The following NEMF variants were observed in gnomAD, a reference collection of about 807,000 sequenced individuals.
NEMF encodes ribosome quality control complex subunit NEMF.
NEMF carries 89 observed loss-of-function variants against 162.2 expected under a neutral mutation model. The ratio of observed to expected loss-of-function variants is 0.55; its 90% CI spans 0.46 to 0.65. NEMF has a LOEUF of 0.65. Among genes scored for constraint, NEMF ranks in the 30% least tolerant of loss-of-function variants. The pLI, the probability that NEMF is intolerant of heterozygous loss-of-function variation, is 0.00. For missense variants in NEMF, 1,133 were observed against 1,261.9 expected, an observed-to-expected ratio of 0.90 and a Z score of 1.55; for synonymous variants, 421 against 404.5, an observed-to-expected ratio of 1.04 and a Z score of -0.49.
In NEMF at chr14:49,783,099, T is replaced by G; in HGVS notation, c.*1537A>C. 1.5e-6 allele frequency: 1 copy of G among 651,042 alleles called. No individual in the cohort carries two copies. The highest frequency in any genetic ancestry group is 3.0e-5 in the East Asian group (1 of 32,978). 40.3% of individuals were successfully genotyped at this position (651,042 alleles called of 1,614,324 possible). A position where few individuals can be genotyped will look rare whatever the true frequency, so the allele number is the denominator to read the frequency against. The stretch of plus-strand genomic sequence containing the variant: ...GCATGTGAATGGCCTAGAGAACCTA[T>G]TTTTGTGTCTAAAGTTTACAATAAA... On this transcript the variant is annotated 3_prime_UTR_variant, in exon 33 of 33. Transcript: ENST00000298310.
At chr14:49,844,026 G>C (rs1893344623) in intron 4 of NEMF, among the ~76,000 whole-genome samples, 1 of 151,766 alleles carries the variant, frequency 6.6e-6, no homozygotes, top group South Asian at 2.1e-4. Context: ...TTGAACCCGG[G>C]AGGCAGAGGT....
intron 5 of NEMF, 39 bp from the exon 6 acceptor site, chr14:49,838,245 A>G: frequency 6.4e-7 from 1 of 1,562,136 alleles, no homozygotes; most frequent in Non-Finnish European, 8.8e-7. Flanking sequence ...CATATCTTAA[A>G]TAAACCTTAC....
chr14:49,817,298 C>G (rs1308386024), intron 16 of NEMF, among the ~76,000 whole-genome samples: 1 of 152,040 alleles, frequency 6.6e-6, no homozygotes, highest in Non-Finnish European at 1.5e-5. Context: ...GAAAAATTAG[C>G]CAGGCATGGT....
intron 16 of NEMF, 55 bp from the exon 17 acceptor site, chr14:49,814,912 A>G: frequency 1.0e-6 from 1 of 995,734 alleles, no homozygotes; most frequent in Non-Finnish European, 1.5e-6. Flanking sequence ...CTGAATTCAT[A>G]CCCTTTTTGC....
At chr14:49,818,791 C>T (rs1891848285) in intron 16 of NEMF, among the ~76,000 whole-genome samples, 1 of 151,804 alleles carries the variant, frequency 6.6e-6, no homozygotes, top group African/African-American at 2.4e-5. Context: ...CCAAATGCTG[C>T]AGCAGCCAGG....
chr14:49,846,280 A>G lies in NEMF; in HGVS notation c.232-15T>C. ...TGTTTTCGGCACTAGCAAGAGAAAGAAAAAGGCATTCATTTAGTAAAAGTG... is the reference window on the plus strand; with the variant it reads ...TGTTTTCGGCACTAGCAAGAGAAAGGAAAAGGCATTCATTTAGTAAAAGTG... On this transcript the variant is annotated splice_polypyrimidine_tract_variant and intron_variant, in intron 3 of 32. Coordinates refer to ENST00000298310, the MANE Select transcript of NEMF (RefSeq NM_004713.6). 2.5e-6 allele frequency: 4 copies of G among 1,606,112 alleles called. No individual in the cohort carries two copies. Among genetic ancestry groups the G allele is most frequent in the Non-Finnish European group, 3.4e-6 (4 of 1,177,962 alleles).
At position 49,789,277 on chromosome 14, in the gene NEMF, C is replaced by T; in HGVS notation, c.2764G>A (p.Val922Met). ...CTAGGTTTCTGGGGCTGTTTCTTCA[C>T]AGGTTCGTCCTTTGTTTTTCCTTTC... ...GKKGKTKDEPVKKQPQKPRGG... is the reference protein window; with the variant it reads ...GKKGKTKDEPMKKQPQKPRGG... The change falls in exon 28 of 33, where the codon GTG becomes ATG. Residue 922 changes from valine (V) to methionine (M), a missense_variant. By Grantham distance (21) the Val-to-Met change is conservative. Coordinates refer to ENST00000298310, the MANE Select transcript of NEMF (RefSeq NM_004713.6). 6.2e-7 allele frequency: 1 copy of T among 1,614,190 alleles called. No individual in the cohort carries two copies. The highest frequency in any genetic ancestry group is 8.5e-7 in the Non-Finnish European group (1 of 1,180,032).
chr14:49,826,057 G>T, intron 15 of NEMF, 102 bp from the exon 16 acceptor site: 2 of 619,974 alleles, frequency 3.2e-6, no homozygotes, highest in South Asian at 2.2e-5. Context: ...TCACAAAATG[G>T]CACAATCTAC....
At chr14:49,818,555 T>C (rs1891836485) in intron 16 of NEMF, 1 of 152,172 alleles carries the variant, frequency 6.6e-6, no homozygotes, top group Non-Finnish European at 1.5e-5. Flanking sequence ...TGAGAGTCTG[T>C]TCAAGAAGCA....
chr14:49,833,015 C>T (rs1892720016), intron 8 of NEMF, among the ~76,000 whole-genome samples: 1 of 152,136 alleles, frequency 6.6e-6, no homozygotes, highest in Admixed American at 6.5e-5. Flanking sequence ...TCTATAATCC[C>T]AGCACTTTGG....
chr14:49,820,943 C>T (rs1049764743), intron 16 of NEMF, among the ~76,000 whole-genome samples: 2 of 150,956 alleles, frequency 1.3e-5, no homozygotes, highest in Admixed American at 6.6e-5. Context: ...AAGTGAGGAG[C>T]GCCTCTTCCC....
chr14:49,846,046 G>A, intron 4 of NEMF, 94 bp downstream of exon 4: 1 of 1,080,406 alleles, frequency 9.3e-7, no homozygotes, highest in Non-Finnish European at 1.3e-6. Flanking sequence ...CTTTGACACA[G>A]AAAAAAAATG....
At chr14:49,800,119 G>C (rs1425441249) in intron 23 of NEMF, among the ~76,000 whole-genome samples, 1 of 152,074 alleles carries the variant, frequency 6.6e-6, no homozygotes, top group African/African-American at 2.4e-5. Context: ...CTGATGATCT[G>C]CAAAACATTA....
intron 6 of NEMF, among the ~76,000 whole-genome samples, chr14:49,835,218 CA>C (rs55826615): frequency 0.024 from 3,171 of 132,870 alleles, 128 homozygotes; most frequent in African/African-American, 0.083. Context: ...ACCCCGCAAC[CA>C]AAAAAAAAAA....
At chr14:49,818,988 AACAG>A (rs1044369695) in intron 16 of NEMF, among the ~76,000 whole-genome samples, 9 of 152,208 alleles carry the variant, frequency 5.9e-5, no homozygotes, top group African/African-American at 2.2e-4. Context: ...TAAAACGTTG[AACAG>A]ACAATCAAGG....
intron 18 of NEMF, among the ~76,000 whole-genome samples, chr14:49,811,845 T>C (rs900671924): frequency 6.6e-6 from 1 of 152,216 alleles, no homozygotes; most frequent in African/African-American, 2.4e-5. Context: ...TTTGCTAATA[T>C]TTTGTCAAAG....
At position 49,785,260 on chromosome 14, in the gene NEMF, T is replaced by C. The variant is rs777307504; in HGVS notation, c.2989A>G (p.Ile997Val). The C allele has an allele frequency of 1.6e-5, 26 of 1,614,034 alleles. No individual in the cohort carries two copies. The East Asian group carries it at 5.6e-4, about 35-fold the overall frequency. ...GTGGTGTAAGGGGCACATATTGGAA[T>C]GGCAAACAGTAGTACATCTTCAGGA... ...PHPEDVLLFA[I>V]PICAPYTTMT... Residue 997 changes from isoleucine (I) to valine (V), a missense_variant, in exon 30 of 33, where the codon ATT (isoleucine) becomes GTT (valine). Ile to Val is a conservative substitution (Grantham distance 29). Transcript: ENST00000298310.
chr14:49,794,742 C>T (rs1378558195), intron 26 of NEMF, among the ~76,000 whole-genome samples: 4 of 124,096 alleles, frequency 3.2e-5, no homozygotes, highest in Middle Eastern at 0.012. Context: ...TTGAGACAGG[C>T]GAGTCTCGCC....
At chr14:49,849,062 A>G (rs1893652320) in intron 3 of NEMF, among the ~76,000 whole-genome samples, 1 of 152,146 alleles carries the variant, frequency 6.6e-6, no homozygotes, top group Admixed American at 6.6e-5. Context: ...CATTTTATAT[A>G]CTCACATAGG....
Sources: gnomAD v4.1 joint callset for allele counts (sites outside exome capture counted in the v4.1 genomes callset) on GRCh38, gnomAD v4.1.1 for gene constraint, MANE v1.5 for transcripts, NCBI Gene and HGNC (gene_info 2026-07-23, HGNC 2026-07-21) for gene names.